The following ELMO2 variants were observed in gnomAD, a reference collection of about 807,000 sequenced individuals.
The protein encoded by ELMO2 is engulfment and cell motility protein 2.
A neutral mutation model predicts 96.2 loss-of-function variants in ELMO2; 37 were observed. The ratio of observed to expected loss-of-function variants is 0.38; its 90% CI spans 0.30 to 0.51. ELMO2 has a LOEUF of 0.51. Ranked by LOEUF, ELMO2 falls within the 20% of genes least tolerant of loss-of-function variation. The pLI, the probability that ELMO2 is intolerant of heterozygous loss-of-function variation, is 0.88. For synonymous variants in ELMO2, 315 were observed against 329.4 expected (o/e 0.96, Z 0.47); for missense variants, 561 against 912.6 (o/e 0.61, Z 4.96).
chr20:46,386,083 C>T (rs746434555), intron 9 of ELMO2, 41 bp downstream of exon 9: 3 of 1,594,244 alleles, frequency 1.9e-6, no homozygotes, highest in Non-Finnish European at 2.6e-6. Context: ...GAAAAGAGGA[C>T]AGACAAGTGA....
At chr20:46,401,302 T>G (rs1054950147) in intron 1 of ELMO2, among the ~76,000 whole-genome samples, 1 of 152,204 alleles carries the variant, frequency 6.6e-6, no homozygotes, top group Non-Finnish European at 1.5e-5. Context: ...TGGCAGAGAT[T>G]AAGGTTCTTA....
intron 19 of ELMO2, 60 bp from the exon 20 acceptor site, chr20:46,370,585 A>G (rs2059682690): frequency 6.6e-7 from 1 of 1,514,496 alleles, no homozygotes; most frequent in Non-Finnish European, 9.2e-7. Context: ...CAGTGCCTAC[A>G]TCAGTGCTGG....
intron 3 of ELMO2, 128 bp from the exon 4 acceptor site, chr20:46,394,217 T>C: frequency 2.6e-6 from 3 of 1,134,604 alleles, no homozygotes; most frequent in East Asian, 2.5e-5. Flanking sequence ...ACAGCTTTTG[T>C]TGAAGAGGAA....
At position 46,393,105 on chromosome 20, in the gene ELMO2, C is replaced by T; in HGVS notation, c.231G>A (p.Leu77=). The T allele has an allele frequency of 1.9e-6, 3 of 1,613,992 alleles. No individual in the cohort carries two copies. Among genetic ancestry groups the T allele is most frequent in the Non-Finnish European group, 2.5e-6 (3 of 1,179,942 alleles). ...AAAGAATACCTACCGGGGAGATAGC[C>T]AGTTGTAAGATTGTCCCATTCTTAA... is the stretch of plus-strand genomic sequence containing the variant. ...SDIKNGTILQ[L]AISPSRAARQ... is the part of the protein sequence containing the mutation. Residue 77 remains leucine (L), a synonymous_variant, in exon 6 of 22, where the codon CTG becomes CTA. Transcript: ENST00000290246.
intron 1 of ELMO2, among the ~76,000 whole-genome samples, chr20:46,399,647 A>C (rs2060303820): frequency 1.3e-5 from 2 of 152,198 alleles, no homozygotes; most frequent in Non-Finnish European, 2.9e-5. Context: ...CCTCCTCCAG[A>C]ACAGGTATAA....
At chr20:46,372,129 T>G (rs1270646314) in intron 16 of ELMO2, among the ~76,000 whole-genome samples, 160 bp from the exon 17 acceptor site, 1 of 152,206 alleles carries the variant, frequency 6.6e-6, no homozygotes, top group Non-Finnish European at 1.5e-5. Flanking sequence ...AGATGGTTAT[T>G]CAGGTCACAT....
intron 11 of ELMO2, among the ~76,000 whole-genome samples, chr20:46,376,099 C>G (rs1408049278): frequency 6.6e-6 from 1 of 152,200 alleles, no homozygotes; most frequent in Non-Finnish European, 1.5e-5. Flanking sequence ...GGCTATGATA[C>G]AGAACATTGG....
At chr20:46,405,070 C>T (rs998829215) in intron 1 of ELMO2, among the ~76,000 whole-genome samples, 2 of 152,198 alleles carry the variant, frequency 1.3e-5, no homozygotes, top group Admixed American at 6.5e-5. Flanking sequence ...ATTTATATTG[C>T]CTGGCCCTGT....
chr20:46,375,205 C>A lies in ELMO2; in HGVS notation c.1065+31G>T. ...ATTGACTTCCCATCAGGGGAGAGGG[C>A]CTACCACCGTCTATGCTCTGAGGTA... On this transcript the variant is annotated intron_variant, in intron 13 of 21. Coordinates refer to ENST00000290246, the MANE Select transcript of ELMO2 (RefSeq NM_133171.5). This position sits in a 1 kb window ranked among gnomAD's most constrained non-coding sequence, Gnocchi z 4.6. The A allele has an allele frequency of 6.2e-7, 1 of 1,605,660 alleles. No homozygotes were observed.
At chr20:46,403,167 T>C (rs1236139049) in intron 1 of ELMO2, among the ~76,000 whole-genome samples, 1 of 152,208 alleles carries the variant, frequency 6.6e-6, no homozygotes, top group Non-Finnish European at 1.5e-5. Context: ...CCCTACCTGC[T>C]AGGCAGGTAT....
At chr20:46,370,416 G>A in intron 20 of ELMO2, 27 bp downstream of exon 20, 3 of 1,606,316 alleles carry the variant, frequency 1.9e-6, no homozygotes, top group Middle Eastern at 3.3e-4. Flanking sequence ...CACTGGGCCA[G>A]CTACTCAAAC....
intron 10 of ELMO2, among the ~76,000 whole-genome samples, chr20:46,381,641 G>A (rs2059958372): frequency 6.6e-6 from 1 of 152,168 alleles, no homozygotes; most frequent in Admixed American, 6.5e-5. Context: ...ATTGACAGTG[G>A]TCTGCAGCTA....
chr20:46,383,710 C>T (rs969976791), intron 9 of ELMO2, among the ~76,000 whole-genome samples: 6 of 152,164 alleles, frequency 3.9e-5, no homozygotes, highest in Non-Finnish European at 7.3e-5. Flanking sequence ...GCAAGATTTA[C>T]TGACAAGGCG....
At chr20:46,397,391 T>G (rs2060264152) in intron 2 of ELMO2, among the ~76,000 whole-genome samples, 1 of 152,216 alleles carries the variant, frequency 6.6e-6, no homozygotes, top group Admixed American at 6.5e-5. Flanking sequence ...AGAGACTGGC[T>G]GGGCGTGGTG....
chr20:46,395,805 A>C (rs2060234030), intron 2 of ELMO2, among the ~76,000 whole-genome samples: 2 of 152,232 alleles, frequency 1.3e-5, no homozygotes, highest in South Asian at 4.1e-4. Context: ...AATGTAAAGG[A>C]ACTAGTTTTC....
At chr20:46,386,661 G>T (rs2060050414) in intron 8 of ELMO2, among the ~76,000 whole-genome samples, 1 of 152,200 alleles carries the variant, frequency 6.6e-6, no homozygotes, top group South Asian at 2.1e-4. Flanking sequence ...ACTTTGAGAG[G>T]TAGAAAGGAC....
intron 2 of ELMO2, among the ~76,000 whole-genome samples, chr20:46,396,723 T>C (rs1243648132): frequency 6.6e-6 from 1 of 152,206 alleles, no homozygotes; most frequent in Non-Finnish European, 1.5e-5. Flanking sequence ...GCTGGGATAA[T>C]TGTCCCTGCT....
At chr20:46,395,856 C>T (rs1226857904) in intron 2 of ELMO2, among the ~76,000 whole-genome samples, 1 of 152,188 alleles carries the variant, frequency 6.6e-6, no homozygotes, top group African/African-American at 2.4e-5. Context: ...CCCAGCAGCC[C>T]CACGAATTAG....
intron 11 of ELMO2, chr20:46,376,836 T>G: frequency 1.6e-6 from 2 of 1,258,844 alleles, no homozygotes; most frequent in South Asian, 1.3e-5. Flanking sequence ...CTGTCCAGTA[T>G]AGCAGCCACT....
Sources: gnomAD v4.1 joint callset for allele counts (sites outside exome capture counted in the v4.1 genomes callset) on GRCh38, gnomAD v4.1.1 for gene constraint, Gnocchi (gnomAD v3.1) non-coding constraint, MANE v1.5 for transcripts, NCBI Gene and HGNC (gene_info 2026-07-23, HGNC 2026-07-21) for gene names.